The following ILRUN variants were observed in gnomAD, a reference collection of about 807,000 sequenced individuals.
The protein encoded by ILRUN is protein ILRUN.
ILRUN carries 3 observed loss-of-function variants against 33.8 expected under a neutral mutation model. The ratio of observed to expected loss-of-function variants is 0.09; its 90% confidence interval spans 0.04 to 0.23. The LOEUF (loss-of-function observed/expected upper bound fraction) is 0.23, where lower values mean the gene tolerates loss of function less well. Ranked by LOEUF, ILRUN falls within the 10% of genes least tolerant of loss-of-function variation. The probability of loss-of-function intolerance (pLI) is 1.00; values close to 1 mark genes in which losing one functional copy is unlikely to be tolerated. For synonymous variants in ILRUN, 124 were observed against 138.9 expected (o/e 0.89, Z 0.75); for missense variants, 210 against 375.1 (o/e 0.56, Z 3.64).
intron 3 of ILRUN, among the ~76,000 whole-genome samples, chr6:34,619,985 C>G (rs1006496481): frequency 2.8e-4 from 21 of 75,948 alleles, no homozygotes; most frequent in Non-Finnish European, 3.0e-4. Flanking sequence ...ACTCTGTCTC[C>G]AAAAAAAAAA....
chr6:34,603,526 C>T (rs1267021389), intron 4 of ILRUN, among the ~76,000 whole-genome samples: 1 of 151,878 alleles, frequency 6.6e-6, no homozygotes, highest in Non-Finnish European at 1.5e-5. Flanking sequence ...TCCCAGCTAC[C>T]CGGGAGGCTG....
At chr6:34,633,256 C>T (rs374260060) in intron 3 of ILRUN, among the ~76,000 whole-genome samples, 1 of 86,330 alleles carries the variant, frequency 1.2e-5, no homozygotes, top group African/African-American at 4.8e-5. Context: ...TACCTAACAA[C>T]AGAGCTTCAA....
chr6:34,604,648 T>C (rs1202016478), intron 4 of ILRUN, among the ~76,000 whole-genome samples: 1 of 152,212 alleles, frequency 6.6e-6, no homozygotes, highest in Non-Finnish European at 1.5e-5. Context: ...TCTGGAGGGT[T>C]AAATTCAAGA....
chr6:34,601,548 A>G (rs1761508214), intron 4 of ILRUN, among the ~76,000 whole-genome samples: 1 of 152,164 alleles, frequency 6.6e-6, no homozygotes, highest in African/African-American at 2.4e-5. Flanking sequence ...GCCTGGGCAA[A>G]TGTTGGTCCC....
At chr6:34,680,489 GA>G in intron 1 of ILRUN, among the ~76,000 whole-genome samples, 1 of 151,978 alleles carries the variant, frequency 6.6e-6, no homozygotes, top group South Asian at 2.1e-4. Context: ...TTTGGAGACA[GA>G]GTCTCGCTCT....
intron 3 of ILRUN, among the ~76,000 whole-genome samples, chr6:34,622,972 T>G (rs1299412488): frequency 6.6e-6 from 1 of 152,228 alleles, no homozygotes; most frequent in Non-Finnish European, 1.5e-5. Context: ...CTTGATAATG[T>G]TAAGTGAAAT....
At chr6:34,650,419 A>G in intron 2 of ILRUN, among the ~76,000 whole-genome samples, 2 of 83,054 alleles carry the variant, frequency 2.4e-5, no homozygotes, top group East Asian at 1.2e-3. Context: ...TTATTTATTT[A>G]TTTATTTATT....
chr6:34,683,479 T>TATACAC (rs1562033108), intron 1 of ILRUN, among the ~76,000 whole-genome samples: 4 of 106,298 alleles, frequency 3.8e-5, no homozygotes, highest in African/African-American at 4.9e-5. Flanking sequence ...TATACACATA[T>TATACAC]ATATATACAT....
chr6:34,590,769 A>G (rs1345536384), intron 4 of ILRUN, among the ~76,000 whole-genome samples, 169 bp from the exon 5 acceptor site: 2 of 152,174 alleles, frequency 1.3e-5, no homozygotes, highest in Non-Finnish European at 2.9e-5. Flanking sequence ...AGATCAGTAC[A>G]TTTCAAGTTG....
In ILRUN at chr6:34,588,201, G is replaced by A; in HGVS notation, c.*2364C>T. 2.5e-6 allele frequency: 1 copy of A among 398,766 alleles called. No individual in the cohort carries two copies. Among genetic ancestry groups the A allele is most frequent in the Non-Finnish European group, 4.4e-6 (1 of 226,148 alleles). The allele number at this position is 398,766 out of a possible 1,614,324, so 24.7% of individuals were successfully genotyped here. A position where few individuals can be genotyped will look rare whatever the true frequency, so the allele number is the denominator to read the frequency against. On this transcript the variant is annotated 3_prime_UTR_variant, in exon 5 of 5. Transcript: ENST00000374023. ...GCAAGGAGCTCATCTCGCCTCCAAG[G>A]ATGTGCACAGAAATGGTTTGTTCTT...
rs1562024697 is a variant in ILRUN, at chr6:34,666,249, T to C, written c.159-11470A>G. Among the ~76,000 whole-genome samples the C allele has an allele frequency of 3.3e-5, 5 of 152,210 alleles. No homozygotes were observed. The South Asian group carries it at 8.3e-4, about 25-fold the overall frequency. The stretch of plus-strand genomic sequence containing the variant: ...GGACATATTTGGCTGCTTTCTGGTA[T>C]ATAGGTACCTTTAAAAAGCTATATA... On this transcript the variant is annotated intron_variant, in intron 1 of 4. Transcript: ENST00000374023.
At chr6:34,644,948 T>C (rs1369110127) in intron 3 of ILRUN, among the ~76,000 whole-genome samples, 1 of 151,848 alleles carries the variant, frequency 6.6e-6, no homozygotes, top group African/African-American at 2.4e-5. Flanking sequence ...AAGATGGGAG[T>C]GAAAATGAGT....
At chr6:34,630,894 T>C (rs915297770) in intron 3 of ILRUN, among the ~76,000 whole-genome samples, 1 of 152,234 alleles carries the variant, frequency 6.6e-6, no homozygotes, top group Non-Finnish European at 1.5e-5. Context: ...CAGAGATTAT[T>C]TCCTCAGTTG....
intron 1 of ILRUN, among the ~76,000 whole-genome samples, chr6:34,666,114 G>A (rs987015524): frequency 6.6e-6 from 1 of 152,180 alleles, no homozygotes; most frequent in Non-Finnish European, 1.5e-5. Flanking sequence ...AATATATGAT[G>A]GGCAAAGACA....
At chr6:34,675,019 G>C (rs1009989604) in intron 1 of ILRUN, among the ~76,000 whole-genome samples, 6 of 152,110 alleles carry the variant, frequency 3.9e-5, no homozygotes, top group Admixed American at 1.3e-4. Context: ...AGTGGCTCAC[G>C]CAAGTAATCC....
intron 3 of ILRUN, among the ~76,000 whole-genome samples, chr6:34,618,792 C>A (rs767693694): frequency 1.2e-4 from 18 of 152,142 alleles, no homozygotes; most frequent in Non-Finnish European, 2.2e-4. Context: ...TGAAATGGGC[C>A]CACCTGGCTC....
At position 34,684,330 on chromosome 6, in the gene ILRUN, T is replaced by C. The variant is rs138796852; in HGVS notation, c.158+12116A>G. Among the ~76,000 whole-genome samples, 3 of 152,334 alleles carry C rather than the reference T, an allele frequency of 2.0e-5. No individual in the cohort carries two copies. The East Asian group carries it at 5.8e-4, about 29-fold the overall frequency. ...TATTCTAAACTATTTGAACTTATTA[T>C]GCGCTTATATGACTTTTTAAAGTTT... On this transcript the variant is annotated intron_variant, in intron 1 of 4. Coordinates refer to ENST00000374023, the MANE Select transcript of ILRUN (RefSeq NM_024294.4).
At chr6:34,635,438 G>A (rs911836421) in intron 3 of ILRUN, among the ~76,000 whole-genome samples, 7 of 151,870 alleles carry the variant, frequency 4.6e-5, no homozygotes. Context: ...TGAGGTGGGA[G>A]AATCACCTGA....
intron 3 of ILRUN, among the ~76,000 whole-genome samples, chr6:34,639,881 G>A (rs1324352339): frequency 6.6e-6 from 1 of 152,142 alleles, no homozygotes; most frequent in East Asian, 1.9e-4. Context: ...TCAATAAAAT[G>A]CAGCTAATAT....
Sources: gnomAD v4.1 joint callset for allele counts (sites outside exome capture counted in the v4.1 genomes callset) on GRCh38, gnomAD v4.1.1 for gene constraint, MANE v1.5 for transcripts, NCBI Gene and HGNC (gene_info 2026-07-23, HGNC 2026-07-21) for gene names.